Variants in BCAS3 observed in about 807,000 individuals in gnomAD.
The protein encoded by BCAS3 is BCAS3 microtubule associated cell migration factor, also known as BCAS4/BCAS3 fusion.
A neutral mutation model predicts 116.1 loss-of-function variants in BCAS3; 53 were observed. That is an observed-to-expected ratio of 0.46 (90% CI 0.37 to 0.57). The LOEUF is 0.57. Ranked by LOEUF, BCAS3 falls within the 20% of genes least tolerant of loss-of-function variation. The pLI is 0.00. For synonymous variants in BCAS3, 391 were observed against 408.2 expected (o/e 0.96, Z 0.51); for missense variants, 917 against 1,165.4 (o/e 0.79, Z 3.10).
Position 61,239,561 on chromosome 17 carries a change from A to G in BCAS3, c.2426-128766A>G, listed in dbSNP as rs909245999. Among the ~76,000 whole-genome samples the G allele has an allele frequency of 6.6e-6, 1 of 152,212 alleles. No individual in the cohort carries two copies. The highest frequency in any genetic ancestry group is 1.5e-5 in the Non-Finnish European group (1 of 68,044). ...TTTTATCAGTGGCTCCAAGATTAAT[A>G]TAAAAAGAGAACTTCATTTACTCTG... On this transcript the variant is annotated intron_variant, in intron 22 of 23. Coordinates refer to ENST00000407086, the MANE Select transcript of BCAS3 (RefSeq NM_017679.5). This position sits in a 1 kb window ranked among gnomAD's most constrained non-coding sequence, Gnocchi z 4.2.
chr17:60,876,059 T>C (rs191906788), intron 9 of BCAS3, among the ~76,000 whole-genome samples: 2 of 152,144 alleles, frequency 1.3e-5, no homozygotes, highest in Admixed American at 1.3e-4. Flanking sequence ...ATAATTATCA[T>C]CCAAACTGCA....
chr17:60,837,150 A>C (rs2051435754), intron 7 of BCAS3, among the ~76,000 whole-genome samples: 1 of 152,186 alleles, frequency 6.6e-6, no homozygotes, highest in East Asian at 1.9e-4. Flanking sequence ...CTTAGGTGAG[A>C]TCAGAGTAGT....
At chr17:61,112,736 C>G (rs1408099793) in intron 22 of BCAS3, among the ~76,000 whole-genome samples, 1 of 150,578 alleles carries the variant, frequency 6.6e-6, no homozygotes, top group Admixed American at 6.6e-5. Flanking sequence ...ACCAAGCGGA[C>G]CTAATAGACA....
intron 12 of BCAS3, among the ~76,000 whole-genome samples, chr17:60,923,519 A>G (rs895115013): frequency 4.6e-5 from 7 of 152,192 alleles, no homozygotes; most frequent in African/African-American, 1.7e-4. Flanking sequence ...TATTTTACAC[A>G]TAGTAAGACT....
At chr17:61,146,363 C>T (rs2077212690) in intron 22 of BCAS3, among the ~76,000 whole-genome samples, 1 of 151,652 alleles carries the variant, frequency 6.6e-6, no homozygotes, top group Non-Finnish European at 1.5e-5. Flanking sequence ...GGGATCCATC[C>T]CCCTCGGCCT....
At chr17:60,780,299 T>TC (rs2045702773) in intron 6 of BCAS3, among the ~76,000 whole-genome samples, 1 of 151,408 alleles carries the variant, frequency 6.6e-6, no homozygotes, top group African/African-American at 2.4e-5. Context: ...ATTTTTTTTT[T>TC]TTTTTTTAAT....
At chr17:60,707,346 T>C (rs1253680722) in intron 4 of BCAS3, among the ~76,000 whole-genome samples, 1 of 152,198 alleles carries the variant, frequency 6.6e-6, no homozygotes, top group Non-Finnish European at 1.5e-5. Context: ...CAGGCTGGTC[T>C]CAGACTCCTG....
intron 4 of BCAS3, 143 bp from the exon 5 acceptor site, chr17:60,709,076 T>G: frequency 1.9e-6 from 1 of 528,506 alleles, no homozygotes; most frequent in Admixed American, 3.5e-5. Context: ...TGGACAACTT[T>G]GAGAATTCTG....
In BCAS3 at chr17:61,063,103, C is replaced by T. The variant is rs1049436345; in HGVS notation, c.2030-11817C>T. 2.0e-5 allele frequency among the ~76,000 whole-genome samples: 3 copies of T among 152,180 alleles called. No homozygotes were observed. Among genetic ancestry groups the T allele is most frequent in the African/African-American group, 7.2e-5 (3 of 41,450 alleles). ...TCCAGAAAGTCAACAAACAAACTGC[C>T]TCAAGCATCCTAAAAAACTGTTGCC... On this transcript the variant is annotated intron_variant, in intron 19 of 23. Transcript: ENST00000407086. The surrounding 1 kb of genome is among the most constrained non-coding windows in gnomAD (Gnocchi z 5.3).
At chr17:61,123,439 G>A (rs939773064) in intron 22 of BCAS3, among the ~76,000 whole-genome samples, 18 of 152,194 alleles carry the variant, frequency 1.2e-4, no homozygotes, top group Non-Finnish European at 2.2e-4. Context: ...GAACCCCTGT[G>A]AAGCTAAGAA....
Position 61,348,163 on chromosome 17 carries a change from G to T in BCAS3, c.2426-20164G>T, listed in dbSNP as rs2057616183. 6.6e-6 allele frequency among the ~76,000 whole-genome samples: 1 copy of T among 152,300 alleles called. No individual in the cohort carries two copies. Among genetic ancestry groups the T allele is most frequent in the Non-Finnish European group, 1.5e-5 (1 of 68,034 alleles). On this transcript the variant is annotated intron_variant, in intron 22 of 23. Transcript: ENST00000407086. The surrounding 1 kb of genome is among the most constrained non-coding windows in gnomAD (Gnocchi z 4.5). ...GGAAAGTAGGAGACAAATTCAAGAGGGCTTGGGAAGTAAAATCCACAGGAC... is the reference window on the plus strand; with the variant it reads ...GGAAAGTAGGAGACAAATTCAAGAGTGCTTGGGAAGTAAAATCCACAGGAC...
At chr17:61,303,273 A>G (rs1467636446) in intron 22 of BCAS3, among the ~76,000 whole-genome samples, 1 of 152,216 alleles carries the variant, frequency 6.6e-6, no homozygotes, top group Non-Finnish European at 1.5e-5. Context: ...AGCTGCCTAA[A>G]ACAAGAATAA....
rs2056821683 is a variant in BCAS3 at position 61,337,555 on chromosome 17, C to T, written c.2426-30772C>T. On this transcript the variant is annotated intron_variant, in intron 22 of 23. Transcript: ENST00000407086. This position sits in a 1 kb window ranked among gnomAD's most constrained non-coding sequence, Gnocchi z 4.8. ...TCCTGCCAAGATCCTGCCAGGCTTC[C>T]CTCGCCTTTGATTTGCCAAATTCCA... Among the ~76,000 whole-genome samples the T allele has an allele frequency of 6.6e-6, 1 of 152,180 alleles. No homozygotes were observed. Among genetic ancestry groups the T allele is most frequent in the South Asian group, 2.1e-4 (1 of 4,822 alleles).
chr17:60,970,915 G>A (rs1211821193), intron 14 of BCAS3, among the ~76,000 whole-genome samples: 1 of 152,138 alleles, frequency 6.6e-6, no homozygotes, highest in Non-Finnish European at 1.5e-5. Context: ...AACAACTGCA[G>A]AATACATATT....
At position 61,380,414 on chromosome 17, in the gene BCAS3, G is replaced by T; in HGVS notation, c.2594-11563G>T. 1 of 1,203,980 alleles carries T rather than the reference G, an allele frequency of 8.3e-7. No individual in the cohort carries two copies. Among genetic ancestry groups the T allele is most frequent in the Non-Finnish European group, 1.2e-6 (1 of 840,652 alleles). 74.6% of individuals were successfully genotyped at this position (1,203,980 alleles called of 1,614,324 possible). ...AGCTCTCAGTGGTCAAACCAGATTTGGGTATCGACTCACTTTGATCTCAGC... is the reference window on the plus strand; with the variant it reads ...AGCTCTCAGTGGTCAAACCAGATTTTGGTATCGACTCACTTTGATCTCAGC... On this transcript the variant is annotated intron_variant, in intron 23 of 23. Transcript: ENST00000407086. This position sits in a 1 kb window ranked among gnomAD's most constrained non-coding sequence, Gnocchi z 4.2.
At chr17:60,980,849 T>C (rs748558660) in intron 14 of BCAS3, among the ~76,000 whole-genome samples, 3 of 151,960 alleles carry the variant, frequency 2.0e-5, no homozygotes, top group Non-Finnish European at 4.4e-5. Flanking sequence ...ATTTATTTAT[T>C]TATTTATTTT....
chr17:60,718,457 CAG>C (rs1422484069), intron 5 of BCAS3, among the ~76,000 whole-genome samples: 1 of 152,100 alleles, frequency 6.6e-6, no homozygotes, highest in Non-Finnish European at 1.5e-5. Context: ...TTTTTTTAGA[CAG>C]AGTCTTGCTC....
intron 7 of BCAS3, among the ~76,000 whole-genome samples, chr17:60,854,620 A>T (rs1329939179): frequency 6.6e-6 from 1 of 152,224 alleles, no homozygotes; most frequent in Non-Finnish European, 1.5e-5. Flanking sequence ...GCCATCAGAG[A>T]AATGCAAATC....
At chr17:60,697,493 G>T (rs1309753175) in intron 4 of BCAS3, among the ~76,000 whole-genome samples, 1 of 149,804 alleles carries the variant, frequency 6.7e-6, no homozygotes, top group East Asian at 2.0e-4. Context: ...TGAGGCAAGA[G>T]AATTGCTTGA....
Sources: gnomAD v4.1 joint callset for allele counts (sites outside exome capture counted in the v4.1 genomes callset) on GRCh38, gnomAD v4.1.1 for gene constraint, Gnocchi (gnomAD v3.1) non-coding constraint, MANE v1.5 for transcripts, NCBI Gene and HGNC (gene_info 2026-07-23, HGNC 2026-07-21) for gene names.